The following DCP1B variants were observed in gnomAD, a reference collection of about 807,000 sequenced individuals.
The protein encoded by DCP1B is mRNA-decapping enzyme 1B.
In DCP1B, 47 loss-of-function variants were observed where a neutral mutation model predicts 60.5. That is an observed-to-expected ratio of 0.78 (90% CI 0.61 to 0.99). DCP1B has a LOEUF of 0.99. Ranked by LOEUF, DCP1B falls within the 50% of genes least tolerant of loss-of-function variation. DCP1B has a pLI of 0.00. For missense variants in DCP1B, 725 were observed against 756.8 expected (o/e 0.96, Z 0.49); for synonymous variants, 267 against 280.3 (o/e 0.95, Z 0.47).
At position 1,946,224 on chromosome 12, in the gene DCP1B, G is replaced by A. The variant is rs556981999; in HGVS notation, c.1836C>T (p.Ala612=). 14 of 1,603,992 alleles carry A rather than the reference G, an allele frequency of 8.7e-6. 1 individual carries two copies. In the Admixed American group the frequency reaches 2.1e-4, roughly 24 times the overall value. The stretch of plus-strand genomic sequence containing the variant: ...CTTGCTGTCACATAGTCTTTTTCAT[G>A]GCTGCTTGAGTCATGCTGAAGAGAT... The part of the protein sequence containing the change: ...EAYLFSMTQA[A]MKKTM The change falls in exon 9 of 9, where the codon GCC becomes GCT. Residue 612 remains alanine, a synonymous_variant. Coordinates refer to ENST00000280665, the MANE Select transcript of DCP1B (RefSeq NM_152640.5).
Position 1,955,501 on chromosome 12 carries a change from T to C in DCP1B, c.582A>G (p.Pro194=). 6.2e-7 allele frequency: 1 copy of C among 1,614,012 alleles called. No homozygotes were observed. Among genetic ancestry groups the C allele is most frequent in the Non-Finnish European group, 8.5e-7 (1 of 1,179,876 alleles). ...ITSSSAIYDN[P]NLIKPIPVKP... ...TCACTGGAATTGGTTTGATGAGATT[T>C]GGATTGTCATAGATGGCAGAGGAAC... Residue 194 remains proline (P), a synonymous_variant, in exon 6 of 9, where the codon CCA becomes CCG. Transcript: ENST00000280665.
At chr12:1,980,190 A>T (rs905349641) in intron 3 of DCP1B, among the ~76,000 whole-genome samples, 1 of 152,200 alleles carries the variant, frequency 6.6e-6, no homozygotes, top group African/African-American at 2.4e-5. Context: ...CTTTATTCAG[A>T]ATAGCTCAAA....
Position 1,948,277 on chromosome 12 carries a change from C to T in DCP1B, c.1773+809G>A, listed in dbSNP as rs1264027554. Among the ~76,000 whole-genome samples, 1 of 152,208 alleles carries T rather than the reference C, an allele frequency of 6.6e-6. No individual in the cohort carries two copies. Among genetic ancestry groups the T allele is most frequent in the Admixed American group, 6.5e-5 (1 of 15,288 alleles). ...TCCCTGCCAACATTCATGTGGTGAA[C>T]GTGGCCCACGGGAGAGTACGTGGGA... On this transcript the variant is annotated intron_variant, in intron 8 of 8. Transcript: ENST00000280665. The surrounding 1 kb of genome is among the most constrained non-coding windows in gnomAD (Gnocchi z 4.8).
chr12:2,000,158 A>G (rs770997263), intron 1 of DCP1B, among the ~76,000 whole-genome samples: 9 of 152,238 alleles, frequency 5.9e-5, no homozygotes, highest in Admixed American at 5.2e-4. Flanking sequence ...TGATTCAGTC[A>G]GCAAGTATTC....
chr12:1,959,993 A>C (rs1313905937), intron 5 of DCP1B, among the ~76,000 whole-genome samples: 1 of 152,096 alleles, frequency 6.6e-6, no homozygotes, highest in Admixed American at 6.5e-5. Context: ...TTGGCTCCTC[A>C]AAAAATTAGA....
intron 8 of DCP1B, among the ~76,000 whole-genome samples, chr12:1,946,688 GTTTTT>G (rs1028839398): frequency 1.3e-5 from 2 of 152,258 alleles, no homozygotes; most frequent in East Asian, 3.9e-4. Flanking sequence ...GCTGTGGTGT[GTTTTT>G]TTGTTTCTTG....
Position 1,953,256 on chromosome 12 carries a change from C to T in DCP1B, c.684G>A (p.Leu228=). 1 of 1,601,954 alleles carries T rather than the reference C, an allele frequency of 6.2e-7. No homozygotes were observed. Among genetic ancestry groups the T allele is most frequent in the Non-Finnish European group, 8.5e-7 (1 of 1,179,592 alleles). Residue 228 remains leucine, a synonymous_variant, in exon 7 of 9, where the codon TTG becomes TTA. Coordinates refer to ENST00000280665, the MANE Select transcript of DCP1B (RefSeq NM_152640.5). Reference sequence around the variant, plus strand: ...TGTCCTGCTTCCCAAACAGAGCTGTCAAGGATAAGTGTTGGGGTTCAGGGT... The same window carrying T: ...TGTCCTGCTTCCCAAACAGAGCTGTTAAGGATAAGTGTTGGGGTTCAGGGT... The part of the protein sequence containing the change: ...TLDPEPQHLS[L]TALFGKQDKA...
At chr12:1,993,417 A>C in intron 2 of DCP1B, 26 bp from the exon 3 acceptor site, 1 of 1,603,236 alleles carries the variant, frequency 6.2e-7, no homozygotes, top group Non-Finnish European at 8.5e-7. Flanking sequence ...AGTCAGGGGG[A>C]AATCAATAGA....
chr12:1,998,469 T>C (rs1318191881), intron 1 of DCP1B, among the ~76,000 whole-genome samples: 1 of 152,220 alleles, frequency 6.6e-6, no homozygotes, highest in Non-Finnish European at 1.5e-5. Context: ...CTTTGACTGC[T>C]AGACAGAGAG....
At chr12:1,947,033 T>C (rs2030455166) in intron 8 of DCP1B, among the ~76,000 whole-genome samples, 1 of 152,220 alleles carries the variant, frequency 6.6e-6, no homozygotes, top group Admixed American at 6.5e-5. Context: ...CTGCTTTGTT[T>C]TGGGCATTAC....
Position 1,971,159 on chromosome 12 carries a change from G to A in DCP1B, c.320-3249C>T. ...GGAGGTCAAGTTTAAGGGTACTTTG[G>A]TGCATGAAGCTCAACTCAACTATTT... is the stretch of plus-strand genomic sequence containing the variant. On this transcript the variant is annotated intron_variant, in intron 3 of 8. Transcript: ENST00000280665. This position sits in a 1 kb window ranked among gnomAD's most constrained non-coding sequence, Gnocchi z 4.2. 3 of 1,289,308 alleles carry A rather than the reference G, an allele frequency of 2.3e-6. No homozygotes were observed. The highest frequency in any genetic ancestry group is 3.0e-6 in the Non-Finnish European group (3 of 988,480). 79.9% of individuals were successfully genotyped at this position (1,289,308 alleles called of 1,614,324 possible). A position where few individuals can be genotyped will look rare whatever the true frequency, so the allele number is the denominator to read the frequency against.
At chr12:1,983,406 T>C (rs2036731515) in intron 3 of DCP1B, among the ~76,000 whole-genome samples, 1 of 152,054 alleles carries the variant, frequency 6.6e-6, no homozygotes, top group Non-Finnish European at 1.5e-5. Flanking sequence ...AGTCCAACTT[T>C]GGTTGCAACT....
chr12:1,960,103 CACA>C (rs1212458971), intron 5 of DCP1B, among the ~76,000 whole-genome samples: 1 of 152,042 alleles, frequency 6.6e-6, no homozygotes, highest in Non-Finnish European at 1.5e-5. Flanking sequence ...CTGTGTTCAC[CACA>C]ACATTACAAT....
At chr12:1,955,585 C>A in intron 5 of DCP1B, 25 bp from the exon 6 acceptor site, 1 of 1,602,484 alleles carries the variant, frequency 6.2e-7, no homozygotes, top group South Asian at 1.1e-5. Flanking sequence ...AAAATCCCCT[C>A]ATTTTTGGCT....
chr12:1,976,487 CTGACTAAATATGAAA>C (rs1363861095), intron 3 of DCP1B, among the ~76,000 whole-genome samples: 8 of 152,180 alleles, frequency 5.3e-5, no homozygotes, highest in African/African-American at 1.9e-4. Context: ...GTTACCTATT[CTGACTAAATATGAAA>C]TGTCAAATTC....
chr12:1,995,932 C>A (rs2040688150), intron 2 of DCP1B, among the ~76,000 whole-genome samples: 1 of 152,212 alleles, frequency 6.6e-6, no homozygotes, highest in African/African-American at 2.4e-5. Flanking sequence ...GCTACCAGTT[C>A]CAAATCATTA....
rs1565761828 is a variant in DCP1B, at chr12:1,953,170, T to TGCC, written c.769_770insGGC (p.Gln256_Gln257insArg). 3 of 1,611,876 alleles carry TGCC rather than the reference T, an allele frequency of 1.9e-6. No homozygotes were observed. Among genetic ancestry groups the TGCC allele is most frequent in the Admixed American group, 3.3e-5 (2 of 59,986 alleles). ...TGGAAGCTTCTCTTGCTGCTGCTGC[T>TGCC]GCTGCTGCTGCTGCTGGTGGAGAGT... On this transcript the variant is annotated inframe_insertion, in exon 7 of 9. Coordinates refer to ENST00000280665, the MANE Select transcript of DCP1B (RefSeq NM_152640.5).
intron 5 of DCP1B, among the ~76,000 whole-genome samples, chr12:1,963,525 A>G (rs2031196034): frequency 1.3e-5 from 2 of 152,142 alleles, no homozygotes; most frequent in African/African-American, 4.8e-5. Flanking sequence ...GCTTGGTTTT[A>G]TATGTTTGGT....
chr12:1,944,987 T>C (rs2030372734), downstream of DCP1B, among the ~76,000 whole-genome samples: 1 of 152,228 alleles, frequency 6.6e-6, no homozygotes, highest in South Asian at 2.1e-4. Context: ...TATATCAGAA[T>C]GAACAGGCAA....
Sources: gnomAD v4.1 joint callset for allele counts (sites outside exome capture counted in the v4.1 genomes callset) on GRCh38, gnomAD v4.1.1 for gene constraint, Gnocchi (gnomAD v3.1) non-coding constraint, MANE v1.5 for transcripts, NCBI Gene and HGNC (gene_info 2026-07-23, HGNC 2026-07-21) for gene names.